Variants in EFCAB11 observed in about 807,000 individuals in gnomAD.
EFCAB11 encodes EF-hand calcium binding domain 11.
Under a neutral mutation model 23.0 loss-of-function variants are expected in EFCAB11, and 14 were observed. The observed-to-expected ratio is 0.61, with a 90% CI of 0.40 to 0.95. The LOEUF (loss-of-function observed/expected upper bound fraction) is 0.95, where lower values mean the gene tolerates loss of function less well. EFCAB11 is among the 40% of genes least tolerant of loss of function. EFCAB11 has a pLI of 0.00. For missense variants in EFCAB11, 198 were observed against 195.8 expected (o/e 1.01, Z -0.07); for synonymous variants, 65 against 66.6 (o/e 0.98, Z 0.11).
chr14:89,939,180 C>T (rs770734597), intron 3 of EFCAB11, among the ~76,000 whole-genome samples: 5 of 152,030 alleles, frequency 3.3e-5, no homozygotes, highest in Non-Finnish European at 2.9e-5. Context: ...CCGTGCACAC[C>T]GGTCCTTAAT....
intron 5 of EFCAB11, among the ~76,000 whole-genome samples, chr14:89,872,213 C>T (rs928949953): frequency 1.1e-4 from 17 of 152,188 alleles, no homozygotes; most frequent in African/African-American, 4.1e-4. Flanking sequence ...TCCATTTGTT[C>T]TATTGCTATT....
At chr14:89,804,295 C>T (rs966224347) in intron 5 of EFCAB11, among the ~76,000 whole-genome samples, 6 of 152,236 alleles carry the variant, frequency 3.9e-5, no homozygotes, top group Non-Finnish European at 7.3e-5. Context: ...TCATTTTGCA[C>T]GGCTCCAGTC....
At chr14:89,798,667 C>T (rs535418896) in intron 5 of EFCAB11, among the ~76,000 whole-genome samples, 34 of 152,236 alleles carry the variant, frequency 2.2e-4, no homozygotes, top group South Asian at 8.3e-4. Flanking sequence ...GAATAAACTG[C>T]TTCTGATAAT....
chr14:89,928,576 G>A (rs1016045674), intron 5 of EFCAB11, among the ~76,000 whole-genome samples: 1 of 151,124 alleles, frequency 6.6e-6, no homozygotes, highest in African/African-American at 2.4e-5. Flanking sequence ...AATTTGTTTT[G>A]TTTTCTTAAA....
chr14:89,895,657 A>G (rs1404347181), intron 5 of EFCAB11, among the ~76,000 whole-genome samples: 2 of 152,206 alleles, frequency 1.3e-5, no homozygotes, highest in Non-Finnish European at 2.9e-5. Flanking sequence ...ATTCTAGAAG[A>G]ATTACAGATT....
At chr14:89,844,741 A>T (rs1887378107) in intron 5 of EFCAB11, among the ~76,000 whole-genome samples, 1 of 152,232 alleles carries the variant, frequency 6.6e-6, no homozygotes, top group South Asian at 2.1e-4. Context: ...GTTAACACCT[A>T]GGCCTTAACA....
intron 5 of EFCAB11, among the ~76,000 whole-genome samples, chr14:89,828,565 T>C (rs1886779792): frequency 6.6e-6 from 1 of 152,196 alleles, no homozygotes; most frequent in Non-Finnish European, 1.5e-5. Context: ...TAATCGATGT[T>C]GACATGCTAA....
intron 5 of EFCAB11, among the ~76,000 whole-genome samples, chr14:89,812,106 C>A (rs1886167944): frequency 6.6e-6 from 1 of 152,114 alleles, no homozygotes; most frequent in South Asian, 2.1e-4. Context: ...AACAAATATG[C>A]TTTTCACTTA....
rs1349326720 is a variant in EFCAB11, at chr14:89,795,284, C to T, written c.*1959G>A. 6.7e-6 allele frequency: 1 copy of T among 148,938 alleles called. No individual in the cohort carries two copies. The highest frequency in any genetic ancestry group is 1.5e-5 in the Non-Finnish European group (1 of 66,960). 9.2% of individuals were successfully genotyped at this position (148,938 alleles called of 1,614,324 possible). A position where few individuals can be genotyped will look rare whatever the true frequency, so the allele number is the denominator to read the frequency against. On this transcript the variant is annotated 3_prime_UTR_variant, in exon 6 of 6. Coordinates refer to ENST00000316738, the MANE Select transcript of EFCAB11 (RefSeq NM_145231.4). ...TTACAGGCTGAGTCACTGTGTCCGG[C>T]CAATGTTTATTTTTTATTCCGTGAT...
chr14:89,835,696 C>T (rs1423147007), intron 5 of EFCAB11, among the ~76,000 whole-genome samples: 1 of 150,044 alleles, frequency 6.7e-6, no homozygotes, highest in African/African-American at 2.5e-5. Context: ...GGAGTGATCT[C>T]GGTTCACTGC....
chr14:89,885,703 AAGAGAG>A (rs886107619), intron 5 of EFCAB11, among the ~76,000 whole-genome samples: 4 of 149,578 alleles, frequency 2.7e-5, no homozygotes, highest in Non-Finnish European at 5.9e-5. Flanking sequence ...AAGAGAGAGA[AAGAGAG>A]AAAGAAAGAG....
chr14:89,890,512 A>G (rs534223111), intron 5 of EFCAB11, among the ~76,000 whole-genome samples: 142 of 152,234 alleles, frequency 9.3e-4, no homozygotes, highest in Non-Finnish European at 1.4e-3. Flanking sequence ...TAATAAATCA[A>G]TATTTGGAAA....
intron 5 of EFCAB11, among the ~76,000 whole-genome samples, chr14:89,909,505 G>A (rs979012801): frequency 7.5e-5 from 6 of 80,208 alleles, no homozygotes; most frequent in Non-Finnish European, 3.9e-5. Context: ...GCTTGAAGCC[G>A]GGGGGGCGGA....
At position 89,795,017 on chromosome 14, in the gene EFCAB11, G is replaced by GC. The variant is rs1409113588; in HGVS notation, c.*2225dup. The GC allele has an allele frequency of 2.8e-5, 3 of 108,234 alleles. No homozygotes were observed. In the East Asian group the frequency reaches 9.6e-4, roughly 35 times the overall value. The allele number at this position is 108,234 out of a possible 1,614,324, so 6.7% of individuals were successfully genotyped here. On this transcript the variant is annotated 3_prime_UTR_variant, in exon 6 of 6. Coordinates refer to ENST00000316738, the MANE Select transcript of EFCAB11 (RefSeq NM_145231.4). ...TTTTGAGAGGGAGTCTCGCTCTGTT[G>GC]CCCAGACTGGAGTGCAGTGGCACCA...
At chr14:89,924,812 G>A (rs1258079481) in intron 5 of EFCAB11, 7 of 1,041,854 alleles carry the variant, frequency 6.7e-6, no homozygotes, top group South Asian at 1.6e-5. Flanking sequence ...CCTAGTTTAT[G>A]AGAAATAAAT....
At chr14:89,840,466 C>T (rs1887222811) in intron 5 of EFCAB11, among the ~76,000 whole-genome samples, 1 of 152,202 alleles carries the variant, frequency 6.6e-6, no homozygotes, top group African/African-American at 2.4e-5. Context: ...CAGAACACAG[C>T]ATGTTCAAGT....
chr14:89,861,487 T>C (rs1490522486), intron 5 of EFCAB11, among the ~76,000 whole-genome samples: 1 of 152,240 alleles, frequency 6.6e-6, no homozygotes, highest in Non-Finnish European at 1.5e-5. Context: ...AAGACCTTTC[T>C]CATCATGTCC....
At chr14:89,890,902 T>C (rs1888944766) in intron 5 of EFCAB11, among the ~76,000 whole-genome samples, 1 of 152,098 alleles carries the variant, frequency 6.6e-6, no homozygotes, top group Non-Finnish European at 1.5e-5. Context: ...TAAGCTGAAA[T>C]CCAAAGGACT....
chr14:89,808,017 A>G (rs1886027136), intron 5 of EFCAB11, among the ~76,000 whole-genome samples: 1 of 152,172 alleles, frequency 6.6e-6, no homozygotes, highest in Admixed American at 6.5e-5. Flanking sequence ...CAGGAAAAGA[A>G]GCCGGGATAA....
Sources: gnomAD v4.1 joint callset for allele counts (sites outside exome capture counted in the v4.1 genomes callset) on GRCh38, gnomAD v4.1.1 for gene constraint, MANE v1.5 for transcripts, NCBI Gene and HGNC (gene_info 2026-07-23, HGNC 2026-07-21) for gene names.